WWOX: variants seen among roughly 807,000 people sequenced by gnomAD.
The protein encoded by WWOX is WW domain containing oxidoreductase, also known as WW domain-containing oxidoreductase.
Under a neutral mutation model 46.2 loss-of-function variants are expected in WWOX, and 69 were observed. The ratio of observed to expected loss-of-function variants is 1.49; its 90% CI spans 1.23 to 1.82. The LOEUF is 1.82. Among genes scored for constraint, WWOX ranks in the 40% most tolerant of loss-of-function variants. The probability of loss-of-function intolerance (pLI) is 0.00; values close to 1 mark genes in which losing one functional copy is unlikely to be tolerated. For missense variants in WWOX, 919 were observed against 542.6 expected, an observed-to-expected ratio of 1.69 and a Z score of -6.89; for synonymous variants, 359 against 202.6, an observed-to-expected ratio of 1.77 and a Z score of -6.56.
At chr16:79,096,538 C>A (rs770833418) in intron 8 of WWOX, among the ~76,000 whole-genome samples, 2 of 152,156 alleles carry the variant, frequency 1.3e-5, no homozygotes, top group Non-Finnish European at 2.9e-5. Flanking sequence ...TCTCTGTTAC[C>A]TTCGGAGGAA....
At chr16:78,396,374 G>T (rs902831189) in intron 6 of WWOX, among the ~76,000 whole-genome samples, 3 of 152,052 alleles carry the variant, frequency 2.0e-5, no homozygotes, top group Non-Finnish European at 2.9e-5. Flanking sequence ...ATGAAAATGT[G>T]TTCGAATTAA....
chr16:78,452,073 G>C (rs1044490477), intron 8 of WWOX, among the ~76,000 whole-genome samples: 2 of 152,060 alleles, frequency 1.3e-5, no homozygotes, highest in Admixed American at 1.3e-4. Context: ...AGTCATGTTA[G>C]ATCCCTTTTT....
At chr16:78,903,743 GCATA>G (rs2044887232) in intron 8 of WWOX, among the ~76,000 whole-genome samples, 1 of 152,154 alleles carries the variant, frequency 6.6e-6, no homozygotes, top group Non-Finnish European at 1.5e-5. Flanking sequence ...CATCCATTAT[GCATA>G]GTACAGGAGC....
chr16:78,509,397 C>G (rs140503247), intron 8 of WWOX, among the ~76,000 whole-genome samples: 3 of 151,612 alleles, frequency 2.0e-5, no homozygotes, highest in African/African-American at 4.8e-5. Context: ...TGAGTTTGCA[C>G]CACTGCATTC....
chr16:78,616,944 T>G (rs772200544), intron 8 of WWOX, among the ~76,000 whole-genome samples: 8 of 152,172 alleles, frequency 5.3e-5, no homozygotes, highest in Non-Finnish European at 1.0e-4. Context: ...TTTTATAATG[T>G]TCCTTTTGCT....
At chr16:78,399,402 A>G (rs2082361046) in intron 6 of WWOX, among the ~76,000 whole-genome samples, 1 of 152,164 alleles carries the variant, frequency 6.6e-6, no homozygotes, top group Non-Finnish European at 1.5e-5. Context: ...ACATAACCCA[A>G]AGGTTTTCTT....
chr16:79,112,320 A>G (rs1246556362), intron 8 of WWOX, among the ~76,000 whole-genome samples: 3 of 152,212 alleles, frequency 2.0e-5, no homozygotes, highest in Non-Finnish European at 4.4e-5. Context: ...TCAAGTCACC[A>G]AACCTTCATT....
chr16:78,732,707 A>C (rs1019993738), intron 8 of WWOX, among the ~76,000 whole-genome samples: 1 of 152,264 alleles, frequency 6.6e-6, no homozygotes, highest in African/African-American at 2.4e-5. Context: ...CCGAAATTTG[A>C]CTCAACTCCC....
chr16:78,634,471 G>A (rs536085622), intron 8 of WWOX, among the ~76,000 whole-genome samples: 4 of 152,234 alleles, frequency 2.6e-5, no homozygotes, highest in African/African-American at 9.6e-5. Context: ...ACTTTGGGAG[G>A]GCGAGGCGGG....
intron 8 of WWOX, among the ~76,000 whole-genome samples, chr16:79,185,511 G>A (rs2050995829): frequency 6.8e-6 from 1 of 146,374 alleles, no homozygotes; most frequent in South Asian, 2.2e-4. Flanking sequence ...CCTGCCCCCT[G>A]GCCAGCCAAG....
At chr16:78,690,076 G>T (rs554328880) in intron 8 of WWOX, among the ~76,000 whole-genome samples, 8 of 152,180 alleles carry the variant, frequency 5.3e-5, no homozygotes, top group Non-Finnish European at 1.0e-4. Flanking sequence ...GACCAGGCTG[G>T]TCTCGATCTC....
chr16:78,111,751 T>A (rs2032504292), intron 3 of WWOX: 1 of 157,682 alleles, frequency 6.3e-6, no homozygotes, highest in Non-Finnish European at 1.4e-5. Flanking sequence ...TGGTTCCTCT[T>A]TGAAGTACGT....
intron 8 of WWOX, among the ~76,000 whole-genome samples, chr16:78,621,894 C>T (rs189179118): frequency 1.0e-3 from 154 of 152,084 alleles, no homozygotes; most frequent in African/African-American, 3.2e-3. Context: ...CGTGAGCCAC[C>T]GTGCCCAGCC....
chr16:78,112,837 C>G (rs534582816), intron 3 of WWOX, among the ~76,000 whole-genome samples: 2 of 151,882 alleles, frequency 1.3e-5, no homozygotes, highest in East Asian at 3.9e-4. Context: ...GGAGCTGGGA[C>G]TACAGGCTCA....
At chr16:79,152,673 GA>G (rs5818205) in intron 8 of WWOX, among the ~76,000 whole-genome samples, 44,596 of 125,834 alleles carry the variant, frequency 0.35, 7,076 homozygotes, top group East Asian at 0.56. Context: ...CCATCTCAAA[GA>G]AAAAAAAAAA....
At chr16:78,533,460 T>G (rs1206208766) in intron 8 of WWOX, among the ~76,000 whole-genome samples, 1 of 151,930 alleles carries the variant, frequency 6.6e-6, no homozygotes, top group Non-Finnish European at 1.5e-5. Flanking sequence ...TAAGAAAGTT[T>G]ATGAATTTGT....
chr16:78,709,686 T>C (rs56365933), intron 8 of WWOX, among the ~76,000 whole-genome samples: 82,615 of 151,548 alleles, frequency 0.55, 22,594 homozygotes, highest in Admixed American at 0.58. Context: ...CTGATGCATG[T>C]GAAATTGGCT....
intron 8 of WWOX, among the ~76,000 whole-genome samples, chr16:79,173,887 A>G (rs1276371574): frequency 6.6e-6 from 1 of 152,216 alleles, no homozygotes; most frequent in East Asian, 1.9e-4. Flanking sequence ...GGTGGGTGAT[A>G]TATTATCTAC....
chr16:78,298,509 T>C (rs1434843910), intron 5 of WWOX, among the ~76,000 whole-genome samples: 1 of 152,126 alleles, frequency 6.6e-6, no homozygotes, highest in Non-Finnish European at 1.5e-5. Context: ...TAGTCACAGC[T>C]AGCTGGGTGC....
Sources: allele counts gnomAD v4.1 joint callset (sites outside exome capture counted in the v4.1 genomes callset), GRCh38; gene constraint gnomAD v4.1.1; transcripts MANE v1.5; gene names NCBI Gene and HGNC (gene_info 2026-07-23, HGNC 2026-07-21).